Variants in PARD3B observed in about 807,000 individuals in gnomAD.
The protein encoded by PARD3B is partitioning defective 3 homolog B.
Under a neutral mutation model 130.2 loss-of-function variants are expected in PARD3B, and 103 were observed. The ratio of observed to expected loss-of-function variants is 0.79; its 90% CI spans 0.67 to 0.93. The LOEUF is 0.93. Among genes scored for constraint, PARD3B ranks in the 40% least tolerant of loss-of-function variants. The pLI, the probability that PARD3B is intolerant of heterozygous loss-of-function variation, is 0.00. For missense variants in PARD3B, 1,609 were observed against 1,499.2 expected, an observed-to-expected ratio of 1.07 and a Z score of -1.21; for synonymous variants, 583 against 553.2, an observed-to-expected ratio of 1.05 and a Z score of -0.76.
intron 2 of PARD3B, among the ~76,000 whole-genome samples, chr2:204,945,784 A>G (rs1036618723): frequency 6.6e-6 from 1 of 152,248 alleles, no homozygotes; most frequent in Non-Finnish European, 1.5e-5. Flanking sequence ...AAGACATTCA[A>G]GGTCCTTTGC....
In PARD3B at chr2:204,857,326, GT is replaced by G. The variant is rs1027295625; in HGVS notation, c.223-107823del. 6.7e-4 allele frequency among the ~76,000 whole-genome samples: 102 copies of G among 152,138 alleles called. 1 individual carries two copies. Among genetic ancestry groups the G allele is most frequent in the South Asian group, 1.7e-3 (8 of 4,816 alleles). On this transcript the variant is annotated intron_variant, in intron 2 of 22. Coordinates refer to ENST00000406610, the MANE Select transcript of PARD3B (RefSeq NM_001302769.2). Reference sequence around the variant, plus strand: ...ACTCTTTATCTTAAGAATAAATCCTGTTTGTATCTGTCTCTCAAGCTATTGG... The same window carrying G: ...ACTCTTTATCTTAAGAATAAATCCTGTTGTATCTGTCTCTCAAGCTATTGG...
rs537433155 is a variant in PARD3B at position 204,997,768 on chromosome 2, T to G, written c.394+32445T>G. 4.0e-5 allele frequency among the ~76,000 whole-genome samples: 6 copies of G among 151,806 alleles called. No individual in the cohort carries two copies. The South Asian group carries it at 1.2e-3, about 31-fold the overall frequency. On this transcript the variant is annotated intron_variant, in intron 3 of 22. Transcript: ENST00000406610. ...AGTGTTGGATAGAATGAGTGATAGCTGATTTTGTTCATAATCTTAATGAAG... is the reference window on the plus strand; with the variant it reads ...AGTGTTGGATAGAATGAGTGATAGCGGATTTTGTTCATAATCTTAATGAAG...
chr2:205,084,718 T>C (rs1208995365), intron 4 of PARD3B, among the ~76,000 whole-genome samples: 1 of 151,966 alleles, frequency 6.6e-6, no homozygotes, highest in Non-Finnish European at 1.5e-5. Flanking sequence ...CGTTTTTAGG[T>C]TTCTTTTTGT....
chr2:205,075,479 A>G (rs936163884), intron 4 of PARD3B, among the ~76,000 whole-genome samples: 2 of 152,032 alleles, frequency 1.3e-5, no homozygotes, highest in South Asian at 4.1e-4. Context: ...TCAAAAAAGA[A>G]AAGGAAAATC....
rs1410115365 is a variant in PARD3B at position 204,907,876 on chromosome 2, A to AT, written c.223-57270dup. On this transcript the variant is annotated intron_variant, in intron 2 of 22. Coordinates refer to ENST00000406610, the MANE Select transcript of PARD3B (RefSeq NM_001302769.2). This position sits in a 1 kb window ranked among gnomAD's most constrained non-coding sequence, Gnocchi z 5.7. ...GGTAGCACGCCCAGCTGATTTTTGT[A>AT]TTTTTTGTAGAGATAAGCTTTCATT... Among the ~76,000 whole-genome samples the AT allele has an allele frequency of 6.6e-6, 1 of 151,862 alleles. No homozygotes were observed. Among genetic ancestry groups the AT allele is most frequent in the Non-Finnish European group, 1.5e-5 (1 of 67,976 alleles).
rs371904121 is a variant in PARD3B at position 205,168,320 on chromosome 2, A to AGAGAGAGAGAGAGAGAGAGAGTGT, written c.1621-3890_1621-3889insAGAGAGAGAGAGAGAGAGAGTGTG. On this transcript the variant is annotated intron_variant, in intron 11 of 22. Transcript: ENST00000406610. The stretch of plus-strand genomic sequence containing the variant: ...GAGAGAGAGAGAGAGAGAGAGAGAG[A>AGAGAGAGAGAGAGAGAGAGAGTGT]GTGTGTGTGTGTGAATATTGCAAGC... Among the ~76,000 whole-genome samples, 174 of 119,718 alleles carry AGAGAGAGAGAGAGAGAGAGAGTGT rather than the reference A, an allele frequency of 1.5e-3. 3 individuals carry two copies. The highest frequency in any genetic ancestry group is 4.9e-3 in the African/African-American group (145 of 29,614). 78.5% of individuals were successfully genotyped at this position (119,718 alleles called of 152,430 possible). A position where few individuals can be genotyped will look rare whatever the true frequency, so the allele number is the denominator to read the frequency against.
At chr2:204,564,910 A>G (rs1472561389) in intron 1 of PARD3B, among the ~76,000 whole-genome samples, 1 of 152,242 alleles carries the variant, frequency 6.6e-6, no homozygotes, top group Admixed American at 6.5e-5. Context: ...GCTTAAAAAT[A>G]CATTTATTAT....
intron 16 of PARD3B, among the ~76,000 whole-genome samples, chr2:205,294,809 A>C (rs2041729683): frequency 6.6e-6 from 1 of 152,176 alleles, no homozygotes; most frequent in Non-Finnish European, 1.5e-5. Flanking sequence ...CTGAGACCCA[A>C]ATGACAGCAG....
At chr2:205,055,000 T>C (rs1441712411) in intron 4 of PARD3B, among the ~76,000 whole-genome samples, 3 of 152,202 alleles carry the variant, frequency 2.0e-5, no homozygotes, top group Non-Finnish European at 4.4e-5. Flanking sequence ...CTCTGAAATA[T>C]AATGTTTACA....
intron 3 of PARD3B, among the ~76,000 whole-genome samples, chr2:205,042,918 T>C (rs1698493209): frequency 6.6e-6 from 1 of 151,962 alleles, no homozygotes; most frequent in African/African-American, 2.4e-5. Flanking sequence ...TAAGAATTTA[T>C]GCTTTAAAAT....
At chr2:204,926,134 C>T (rs1284172850) in intron 2 of PARD3B, among the ~76,000 whole-genome samples, 2 of 152,034 alleles carry the variant, frequency 1.3e-5, no homozygotes, top group African/African-American at 2.4e-5. Flanking sequence ...TATCTAGCAA[C>T]TTTGGCTTTG....
At chr2:205,077,262 G>T (rs1005281069) in intron 4 of PARD3B, among the ~76,000 whole-genome samples, 1 of 152,140 alleles carries the variant, frequency 6.6e-6, no homozygotes, top group African/African-American at 2.4e-5. Flanking sequence ...GCTTCCTTTA[G>T]AGCCTTGAAC....
intron 1 of PARD3B, among the ~76,000 whole-genome samples, chr2:204,652,390 A>T (rs1379656054): frequency 6.6e-6 from 1 of 152,104 alleles, no homozygotes; most frequent in Non-Finnish European, 1.5e-5. Context: ...CTCAAGTTCA[A>T]AGTTTCTAGG....
intron 3 of PARD3B, among the ~76,000 whole-genome samples, chr2:205,023,445 C>G (rs1696771273): frequency 7.5e-6 from 1 of 132,896 alleles, no homozygotes. Flanking sequence ...TTTCTTCATG[C>G]CCACACCTTT....
At chr2:205,083,832 T>C (rs1224536135) in intron 4 of PARD3B, among the ~76,000 whole-genome samples, 1 of 152,106 alleles carries the variant, frequency 6.6e-6, no homozygotes, top group Admixed American at 6.6e-5. Context: ...ATTAGTATAA[T>C]GAACCTCCAT....
intron 15 of PARD3B, among the ~76,000 whole-genome samples, chr2:205,202,618 A>T (rs113414905): frequency 0.015 from 2,353 of 152,290 alleles, 47 homozygotes; most frequent in African/African-American, 0.039. Flanking sequence ...GCACTCTTTT[A>T]TAAGTTATTG....
At chr2:205,596,953 C>T (rs752917589) in intron 22 of PARD3B, among the ~76,000 whole-genome samples, 1 of 152,046 alleles carries the variant, frequency 6.6e-6, no homozygotes, top group African/African-American at 2.4e-5. Context: ...GAAGCAAACT[C>T]GGCACTCCTC....
chr2:204,642,003 G>GA (rs1057144815), intron 1 of PARD3B, among the ~76,000 whole-genome samples: 4 of 151,714 alleles, frequency 2.6e-5, no homozygotes, highest in Admixed American at 6.6e-5. Context: ...AAGTATCTCA[G>GA]AAAAAAAAAT....
intron 21 of PARD3B, among the ~76,000 whole-genome samples, chr2:205,541,182 C>T (rs938299399): frequency 5.3e-5 from 8 of 152,060 alleles, no homozygotes; most frequent in Admixed American, 2.0e-4. Flanking sequence ...ATTACCTGTA[C>T]GCTAAGATTT....
Sources: allele counts gnomAD v4.1 joint callset (sites outside exome capture counted in the v4.1 genomes callset), GRCh38; gene constraint gnomAD v4.1.1; non-coding constraint Gnocchi (gnomAD v3.1); transcripts MANE v1.5; gene names NCBI Gene and HGNC (gene_info 2026-07-23, HGNC 2026-07-21).